Variants in MTREX observed in about 807,000 individuals in gnomAD.
MTREX encodes exosome RNA helicase MTR4.
In MTREX, 76 loss-of-function variants were observed where a neutral mutation model predicts 135.4. That is an observed-to-expected ratio of 0.56 (90% CI 0.47 to 0.68). MTREX has a LOEUF of 0.68. MTREX is among the 30% of genes least tolerant of loss of function. The pLI is 0.00. For synonymous variants in MTREX, 404 were observed against 401.6 expected (o/e 1.01, Z -0.07); for missense variants, 920 against 1,262.1 (o/e 0.73, Z 4.11).
At chr5:55,309,241 T>G (rs1171492602) in intron 1 of MTREX, among the ~76,000 whole-genome samples, 2 of 152,252 alleles carry the variant, frequency 1.3e-5, no homozygotes, top group East Asian at 3.9e-4. Flanking sequence ...ATACATTGAT[T>G]TGAGAACATG....
At chr5:55,379,573 G>GACACACACACACACACACACACAC (rs60169736) in intron 18 of MTREX, among the ~76,000 whole-genome samples, 3 of 143,806 alleles carry the variant, frequency 2.1e-5, no homozygotes, top group African/African-American at 7.8e-5. Flanking sequence ...AAATCTCCCT[G>GACACACACACACACACACACACAC]ACACACACAC....
chr5:55,376,976 C>G (rs923933338), intron 16 of MTREX, among the ~76,000 whole-genome samples: 4 of 151,848 alleles, frequency 2.6e-5, no homozygotes, highest in African/African-American at 9.7e-5. Context: ...GAGGCTGAGG[C>G]AGGAGAATCA....
At chr5:55,377,892 A>G (rs918443148) in intron 16 of MTREX, among the ~76,000 whole-genome samples, 3 of 152,144 alleles carry the variant, frequency 2.0e-5, no homozygotes, top group Non-Finnish European at 4.4e-5. Context: ...AGACTGACCT[A>G]AAAAAATTCT....
intron 6 of MTREX, among the ~76,000 whole-genome samples, chr5:55,340,698 C>T (rs1749634521): frequency 6.6e-6 from 1 of 152,208 alleles, no homozygotes; most frequent in African/African-American, 2.4e-5. Context: ...TCTCCTGCCT[C>T]AGCCTCCTGA....
rs773185053 is a variant in MTREX at position 55,328,699 on chromosome 5, G to C, written c.403G>C (p.Glu135Gln). 6.2e-7 allele frequency: 1 copy of C among 1,600,672 alleles called. No homozygotes were observed. Among genetic ancestry groups the C allele is most frequent in the Admixed American group, 1.7e-5 (1 of 59,836 alleles). ...LKPRVGKAAK[E>Q]YPFILDAFQR... is the part of the protein sequence containing the mutation. The stretch of plus-strand genomic sequence containing the variant: ...AGATATTAATGTTTTGTTTTTATAG[G>C]AATACCCGTTCATTCTTGATGCTTT... The change falls in exon 5 of 27, where the codon GAA becomes CAA. Residue 135 changes from glutamate (E) to glutamine (Q), a missense_variant and splice_region_variant. This residue lies in a region of MTREX where 82 missense variants were observed against 107.4 expected (regional missense o/e 0.76). Coordinates refer to ENST00000230640, the MANE Select transcript of MTREX (RefSeq NM_015360.5).
At chr5:55,408,847 T>C (rs556317181) in intron 22 of MTREX, among the ~76,000 whole-genome samples, 18 of 152,232 alleles carry the variant, frequency 1.2e-4, no homozygotes, top group South Asian at 2.1e-4. Flanking sequence ...AATGGTGAGA[T>C]TGATTATATA....
intron 14 of MTREX, chr5:55,356,760 C>T (rs1285555272): frequency 6.5e-6 from 1 of 153,000 alleles, no homozygotes; most frequent in Non-Finnish European, 1.5e-5. Context: ...AGGCCAAAAC[C>T]TCTGGGGCAC....
intron 1 of MTREX, among the ~76,000 whole-genome samples, chr5:55,320,387 T>A (rs1749269123): frequency 6.6e-6 from 1 of 152,048 alleles, no homozygotes; most frequent in Non-Finnish European, 1.5e-5. Context: ...GCTAATTTTT[T>A]GTATTTTTAG....
intron 15 of MTREX, among the ~76,000 whole-genome samples, chr5:55,364,953 G>A (rs1750076458): frequency 1.3e-5 from 2 of 152,124 alleles, no homozygotes; most frequent in Admixed American, 6.5e-5. Flanking sequence ...TCCAAATTGG[G>A]ATACTGTCAG....
At chr5:55,368,328 G>T (rs894113298) in intron 16 of MTREX, among the ~76,000 whole-genome samples, 3 of 152,078 alleles carry the variant, frequency 2.0e-5, no homozygotes, top group African/African-American at 7.2e-5. Context: ...GTGGGCACCT[G>T]TAATCCCAGC....
chr5:55,392,037 G>T (rs1315892966), intron 19 of MTREX, among the ~76,000 whole-genome samples: 1 of 152,140 alleles, frequency 6.6e-6, no homozygotes, highest in African/African-American at 2.4e-5. Context: ...GCCCCAGTTT[G>T]GTTCTCTAAC....
chr5:55,395,776 A>G (rs1011405771), intron 19 of MTREX, among the ~76,000 whole-genome samples: 12 of 152,178 alleles, frequency 7.9e-5, no homozygotes, highest in African/African-American at 2.7e-4. Context: ...ACCCAAACTG[A>G]GACTCATTTT....
chr5:55,352,146 A>C (rs1223567808), intron 13 of MTREX, among the ~76,000 whole-genome samples: 1 of 151,986 alleles, frequency 6.6e-6, no homozygotes, highest in Non-Finnish European at 1.5e-5. Flanking sequence ...CAGCCTCCCA[A>C]AGTGCTGGGA....
At chr5:55,319,623 A>G (rs1017934431) in intron 1 of MTREX, among the ~76,000 whole-genome samples, 6 of 152,232 alleles carry the variant, frequency 3.9e-5, no homozygotes, top group Non-Finnish European at 5.9e-5. Context: ...GATGGTTTCA[A>G]TAAATTAAAA....
intron 14 of MTREX, among the ~76,000 whole-genome samples, chr5:55,354,329 A>G (rs1206056416): frequency 6.6e-6 from 1 of 152,222 alleles, no homozygotes; most frequent in Non-Finnish European, 1.5e-5. Flanking sequence ...AGCAGATGAG[A>G]ATTTGCTAAG....
chr5:55,392,616 A>G (rs1350494805), intron 19 of MTREX, among the ~76,000 whole-genome samples: 17 of 151,708 alleles, frequency 1.1e-4, no homozygotes, highest in Admixed American at 9.2e-4. Context: ...CAAGCCATCA[A>G]CCCTCAGCTA....
intron 5 of MTREX, among the ~76,000 whole-genome samples, chr5:55,331,958 A>G (rs1262489107): frequency 1.3e-5 from 2 of 152,008 alleles, no homozygotes; most frequent in African/African-American, 4.8e-5. Context: ...TCTTGGTGTA[A>G]GTGGATGTTT....
intron 1 of MTREX, among the ~76,000 whole-genome samples, chr5:55,317,343 C>G (rs1182815158): frequency 2.0e-5 from 3 of 152,084 alleles, no homozygotes; most frequent in Non-Finnish European, 4.4e-5. Context: ...GCAAAAAGAA[C>G]AAAGCTGGAG....
intron 20 of MTREX, among the ~76,000 whole-genome samples, chr5:55,399,199 T>A (rs775582635): frequency 7.2e-5 from 11 of 152,184 alleles, no homozygotes; most frequent in Non-Finnish European, 1.5e-4. Flanking sequence ...ACCAGAGATA[T>A]CAGTCTTTTG....
Sources: allele counts gnomAD v4.1 joint callset (sites outside exome capture counted in the v4.1 genomes callset), GRCh38; gene constraint gnomAD v4.1.1; regional missense constraint gnomAD v4.1.1; transcripts MANE v1.5; gene names NCBI Gene and HGNC (gene_info 2026-07-23, HGNC 2026-07-21).